TTC29: variants seen among roughly 807,000 people sequenced by gnomAD.
The protein encoded by TTC29 is tetratricopeptide repeat domain 29.
Under a neutral mutation model 58.1 loss-of-function variants are expected in TTC29, and 49 were observed. The ratio of observed to expected loss-of-function variants is 0.84; its 90% confidence interval spans 0.67 to 1.07. TTC29 has a LOEUF of 1.07. Among genes scored for constraint, TTC29 ranks in the 50% least tolerant of loss-of-function variants. The pLI, the probability that TTC29 is intolerant of heterozygous loss-of-function variation, is 0.00. For synonymous variants in TTC29, 209 were observed against 196.8 expected (o/e 1.06, Z -0.52); for missense variants, 582 against 555.6 (o/e 1.05, Z -0.48).
At chr4:146,800,876 G>A (rs949289752) in intron 11 of TTC29, among the ~76,000 whole-genome samples, 3 of 152,174 alleles carry the variant, frequency 2.0e-5, no homozygotes, top group East Asian at 1.9e-4. Context: ...AGAAATGGCC[G>A]TGGTAGGATG....
rs184774436 is a variant in TTC29, at chr4:146,909,213, G to A, written c.213C>T (p.Asp71=). 1.0e-4 allele frequency: 169 copies of A among 1,613,456 alleles called. No homozygotes were observed. The highest frequency in any genetic ancestry group is 1.2e-4 in the Non-Finnish European group (140 of 1,179,726). The change falls in exon 5 of 13, where the codon GAC becomes GAT. Residue 71 remains aspartate (D), a synonymous_variant. Coordinates refer to ENST00000325106, the MANE Select transcript of TTC29 (RefSeq NM_031956.4). ...RNSYKKNICV[D]MLRDGYHKSF... is the part of the protein sequence containing the mutation. ...ACTTATGATAACCATCTCGCAGCAT[G>A]TCCACACAGATATTCTTCTTGTAGG...
intron 11 of TTC29, among the ~76,000 whole-genome samples, chr4:146,773,699 T>A (rs569676591): frequency 6.6e-6 from 1 of 152,242 alleles, no homozygotes; most frequent in African/African-American, 2.4e-5. Context: ...TGAAGTTTTC[T>A]CTTTTTTTGT....
At chr4:146,929,953 A>G (rs985642356) in intron 4 of TTC29, among the ~76,000 whole-genome samples, 3 of 151,306 alleles carry the variant, frequency 2.0e-5, no homozygotes, top group African/African-American at 7.3e-5. Context: ...GAAAATTGGG[A>G]TTAATAGTTA....
chr4:146,804,643 C>A (rs1251196763), intron 10 of TTC29, among the ~76,000 whole-genome samples: 2 of 152,166 alleles, frequency 1.3e-5, no homozygotes, highest in African/African-American at 2.4e-5. Flanking sequence ...GTGGAGCACA[C>A]CACAGCTCCC....
intron 11 of TTC29, 43 bp from the exon 12 acceptor site, chr4:146,707,594 A>G: frequency 7.2e-7 from 1 of 1,382,066 alleles, no homozygotes; most frequent in Non-Finnish European, 1.0e-6. Context: ...TCATGAACAC[A>G]GTTTATAGTT....
At chr4:146,717,911 T>C (rs952215757) in intron 11 of TTC29, among the ~76,000 whole-genome samples, 6 of 152,152 alleles carry the variant, frequency 3.9e-5, no homozygotes, top group Non-Finnish European at 8.8e-5. Context: ...CCCTCACCAC[T>C]GATAACCATC....
intron 6 of TTC29, among the ~76,000 whole-genome samples, chr4:146,889,916 T>C (rs1344963064): frequency 6.6e-6 from 1 of 152,182 alleles, no homozygotes; most frequent in Admixed American, 6.6e-5. Flanking sequence ...TAGTATTCAA[T>C]TGATCACCAT....
Position 146,706,992 on chromosome 4 carries a change from G to A in TTC29, c.*166C>T, listed in dbSNP as rs1470667201. On this transcript the variant is annotated 3_prime_UTR_variant, in exon 13 of 13. Transcript: ENST00000325106. The stretch of plus-strand genomic sequence containing the variant: ...TTATTTTCATGGATTTAGATGTTTT[G>A]GATTAAATTTATAGTAACACACTGA... 2.4e-6 allele frequency: 1 copy of A among 419,108 alleles called. No homozygotes were observed. Among genetic ancestry groups the A allele is most frequent in the Non-Finnish European group, 4.2e-6 (1 of 239,496 alleles). 26.0% of individuals were successfully genotyped at this position (419,108 alleles called of 1,614,324 possible). A position where few individuals can be genotyped will look rare whatever the true frequency, so the allele number is the denominator to read the frequency against.
rs141200836 is a variant in TTC29 at position 146,812,375 on chromosome 4, T to G, written c.1101+7750A>C. 4.9e-4 allele frequency among the ~76,000 whole-genome samples: 75 copies of G among 152,314 alleles called. No individual in the cohort carries two copies. The Middle Eastern group carries it at 0.014, about 28-fold the overall frequency. ...GGACATAGATATGAATTTCCAGTTA[T>G]TTTTATATGTTATTAAGTTAAAATT... On this transcript the variant is annotated intron_variant, in intron 10 of 12. Coordinates refer to ENST00000325106, the MANE Select transcript of TTC29 (RefSeq NM_031956.4).
chr4:146,834,057 T>C (rs574129043), intron 8 of TTC29, among the ~76,000 whole-genome samples, 160 bp from the exon 9 acceptor site: 1 of 152,216 alleles, frequency 6.6e-6, no homozygotes, highest in Admixed American at 6.5e-5. Context: ...TTTTTATCTA[T>C]AGTATAACTT....
intron 6 of TTC29, among the ~76,000 whole-genome samples, chr4:146,899,454 C>G (rs184562027): frequency 9.3e-4 from 142 of 152,306 alleles, no homozygotes; most frequent in Non-Finnish European, 1.6e-3. Flanking sequence ...AAAGAAGATA[C>G]AGCTGATTTG....
At chr4:146,892,362 T>C (rs973537727) in intron 6 of TTC29, among the ~76,000 whole-genome samples, 2 of 152,292 alleles carry the variant, frequency 1.3e-5, no homozygotes, top group African/African-American at 2.4e-5. Flanking sequence ...CCAGTCTCCA[T>C]GCAAGGCTGG....
chr4:146,930,652 A>G (rs1735270241), intron 4 of TTC29, among the ~76,000 whole-genome samples: 2 of 152,214 alleles, frequency 1.3e-5, no homozygotes, highest in African/African-American at 4.8e-5. Flanking sequence ...GGAGACTTGA[A>G]AAGGGTCTAA....
chr4:146,906,830 T>C (rs191986671), intron 5 of TTC29, among the ~76,000 whole-genome samples: 4 of 152,326 alleles, frequency 2.6e-5, no homozygotes, highest in Admixed American at 6.5e-5. Flanking sequence ...TATTATAACT[T>C]TGGACTTTGG....
intron 4 of TTC29, among the ~76,000 whole-genome samples, chr4:146,912,743 G>A (rs1184727302): frequency 6.6e-6 from 1 of 152,170 alleles, no homozygotes; most frequent in Non-Finnish European, 1.5e-5. Flanking sequence ...AAAACCGGGA[G>A]CAGGAAGAAC....
At chr4:146,817,216 T>G (rs1751471961) in intron 10 of TTC29, among the ~76,000 whole-genome samples, 1 of 152,220 alleles carries the variant, frequency 6.6e-6, no homozygotes, top group African/African-American at 2.4e-5. Flanking sequence ...CTTAAGCTGA[T>G]AAGCAACTTC....
At chr4:146,890,870 T>C (rs1354344031) in intron 6 of TTC29, among the ~76,000 whole-genome samples, 1 of 152,152 alleles carries the variant, frequency 6.6e-6, no homozygotes, top group African/African-American at 2.4e-5. Context: ...TTTTTTTTAA[T>C]GCCAATGGGA....
chr4:146,820,951 G>C (rs1751774531), intron 9 of TTC29, among the ~76,000 whole-genome samples: 1 of 151,928 alleles, frequency 6.6e-6, no homozygotes, highest in African/African-American at 2.4e-5. Flanking sequence ...AGAATGGCAT[G>C]AACCTGGGAG....
chr4:146,710,498 T>C (rs187079511), intron 11 of TTC29, among the ~76,000 whole-genome samples: 135 of 152,296 alleles, frequency 8.9e-4, no homozygotes, highest in Middle Eastern at 3.4e-3. Flanking sequence ...ATACTTCTTC[T>C]GGGTCTGAGT....
Sources: gnomAD v4.1 joint callset for allele counts (sites outside exome capture counted in the v4.1 genomes callset) on GRCh38, gnomAD v4.1.1 for gene constraint, MANE v1.5 for transcripts, NCBI Gene and HGNC (gene_info 2026-07-23, HGNC 2026-07-21) for gene names.